The following COBL variants were observed in gnomAD, a reference collection of about 807,000 sequenced individuals.
The protein encoded by COBL is cordon-bleu WH2 repeat protein, also known as protein cordon-bleu.
In COBL, 51 loss-of-function variants were observed where a neutral mutation model predicts 98.8. That is an observed-to-expected ratio of 0.52 (90% CI 0.41 to 0.65). The LOEUF (loss-of-function observed/expected upper bound fraction) is 0.65. Ranked by LOEUF, COBL falls within the 30% of genes least tolerant of loss-of-function variation. COBL has a pLI of 0.00. For synonymous variants in COBL, 634 were observed against 651.7 expected (o/e 0.97, Z 0.41); for missense variants, 1,617 against 1,617.5 (o/e 1.00, Z 0.01).
chr7:51,075,252 T>C (rs1792957832), intron 7 of COBL, among the ~76,000 whole-genome samples: 1 of 152,254 alleles, frequency 6.6e-6, no homozygotes, highest in Non-Finnish European at 1.5e-5. Context: ...GTCTTATATC[T>C]AGACAATTAA....
chr7:51,218,817 T>A (rs1793342986), intron 2 of COBL, among the ~76,000 whole-genome samples: 1 of 152,210 alleles, frequency 6.6e-6, no homozygotes, highest in Non-Finnish European at 1.5e-5. Context: ...AAATGCTGCT[T>A]CAATTCACTG....
chr7:51,277,706 A>G (rs1035875371), intron 1 of COBL, among the ~76,000 whole-genome samples: 1 of 152,158 alleles, frequency 6.6e-6, no homozygotes, highest in African/African-American at 2.4e-5. Flanking sequence ...TAGTTTCTAC[A>G]CTGCCAAATG....
intron 5 of COBL, among the ~76,000 whole-genome samples, chr7:51,143,887 C>T (rs1476212593): frequency 1.3e-5 from 2 of 152,210 alleles, no homozygotes; most frequent in Non-Finnish European, 2.9e-5. Context: ...GACTAATTCT[C>T]TGATGCACTG....
At chr7:51,299,077 C>T (rs983311807) in intron 1 of COBL, among the ~76,000 whole-genome samples, 1 of 152,198 alleles carries the variant, frequency 6.6e-6, no homozygotes, top group Non-Finnish European at 1.5e-5. Context: ...CCGGTGGGCA[C>T]CTCATATCTT....
At chr7:51,047,020 A>C (rs1308763203) in intron 7 of COBL, among the ~76,000 whole-genome samples, 1 of 152,186 alleles carries the variant, frequency 6.6e-6, no homozygotes, top group Non-Finnish European at 1.5e-5. Flanking sequence ...ACTAATTAGG[A>C]ATCTTTAAAA....
intron 1 of COBL, among the ~76,000 whole-genome samples, chr7:51,311,272 G>A (rs756542160): frequency 5.3e-5 from 8 of 152,252 alleles, no homozygotes; most frequent in Non-Finnish European, 8.8e-5. Flanking sequence ...GAGGAGAGCA[G>A]AGGGAAGCGT....
intron 6 of COBL, among the ~76,000 whole-genome samples, chr7:51,131,513 A>G (rs888287252): frequency 5.3e-5 from 8 of 152,180 alleles, no homozygotes; most frequent in African/African-American, 1.9e-4. Flanking sequence ...AGCAAGAATA[A>G]TATAGAGTAT....
At chr7:51,191,633 G>C (rs529709553) in intron 3 of COBL, among the ~76,000 whole-genome samples, 1 of 151,388 alleles carries the variant, frequency 6.6e-6, no homozygotes, top group Non-Finnish European at 1.5e-5. Flanking sequence ...AGACCTACAT[G>C]TATTTATGTA....
intron 6 of COBL, among the ~76,000 whole-genome samples, chr7:51,119,442 T>C (rs1268308718): frequency 1.3e-5 from 2 of 152,202 alleles, no homozygotes; most frequent in Non-Finnish European, 2.9e-5. Context: ...GGAAGTCCAT[T>C]TACCTTGGGC....
intron 7 of COBL, among the ~76,000 whole-genome samples, chr7:51,063,395 A>G (rs1015465034): frequency 6.6e-6 from 1 of 152,200 alleles, no homozygotes. Flanking sequence ...TCGGCCTCCC[A>G]AAGTGCTGGG....
rs937112618 is a variant in COBL at position 51,029,189 on chromosome 7, G to A, written c.1907C>T (p.Ser636Leu). ...ATTTAGGTTGTCTGTGTGAAGATTC[G>A]AAGCAAAAGAAGTCACCCTGGGCGC... The part of the protein sequence containing the change: ...ETAPRVTSFA[S>L]NLHTDNLNAK... The change falls in exon 10 of 13, where the codon TCG becomes TTG. Residue 636 changes from serine to leucine, a missense_variant. Around this residue, in one of 3 missense-constraint regions of COBL, gnomAD observed 1,304 missense variants for 1,282.0 expected, o/e 1.02. Transcript: ENST00000265136. 8 of 1,614,016 alleles carry A rather than the reference G, an allele frequency of 5.0e-6. No homozygotes were observed. The highest frequency in any genetic ancestry group is 2.2e-5 in the East Asian group (1 of 44,894).
intron 7 of COBL, among the ~76,000 whole-genome samples, chr7:51,074,415 C>T (rs1028051272): frequency 7.1e-4 from 108 of 152,064 alleles, no homozygotes; most frequent in African/African-American, 2.3e-3. Flanking sequence ...AGGATGGTCT[C>T]GATCTCCTGA....
chr7:51,098,668 T>C (rs1439591639), intron 6 of COBL, among the ~76,000 whole-genome samples: 4 of 152,048 alleles, frequency 2.6e-5, no homozygotes, highest in Non-Finnish European at 5.9e-5. Context: ...GAAGAAAACA[T>C]AGAGGGAAAT....
At chr7:51,083,639 T>C (rs1302562978) in intron 7 of COBL, among the ~76,000 whole-genome samples, 1 of 152,252 alleles carries the variant, frequency 6.6e-6, no homozygotes, top group Non-Finnish European at 1.5e-5. Context: ...CCTACTCTTG[T>C]TGCTTTTCTA....
intron 6 of COBL, among the ~76,000 whole-genome samples, chr7:51,090,709 C>A: frequency 6.6e-6 from 1 of 152,304 alleles, no homozygotes; most frequent in Middle Eastern, 3.4e-3. Context: ...GCTTATCCCT[C>A]GGGAGGAAAT....
chr7:51,220,879 T>C (rs1033012130), intron 1 of COBL, among the ~76,000 whole-genome samples: 28 of 152,214 alleles, frequency 1.8e-4, no homozygotes, highest in Non-Finnish European at 3.7e-4. Flanking sequence ...GCAACTGGCC[T>C]TGTTTTATAC....
intron 7 of COBL, among the ~76,000 whole-genome samples, chr7:51,067,734 ATTG>A (rs1373730097): frequency 2.6e-5 from 4 of 152,194 alleles, no homozygotes; most frequent in Admixed American, 6.5e-5. Flanking sequence ...CAGTCACTAA[ATTG>A]TTGTGTGACT....
chr7:51,236,206 G>A (rs997887823), intron 1 of COBL, among the ~76,000 whole-genome samples: 1 of 152,160 alleles, frequency 6.6e-6, no homozygotes, highest in Non-Finnish European at 1.5e-5. Flanking sequence ...CTTACAAGGA[G>A]TGCTGGGACA....
At chr7:51,280,450 T>A (rs892436907) in intron 1 of COBL, among the ~76,000 whole-genome samples, 1 of 152,132 alleles carries the variant, frequency 6.6e-6, no homozygotes, top group Non-Finnish European at 1.5e-5. Context: ...AGAGGAAAAC[T>A]CTTCTCTCGG....
Sources: gnomAD v4.1 joint callset for allele counts (sites outside exome capture counted in the v4.1 genomes callset) on GRCh38, gnomAD v4.1.1 for gene constraint, gnomAD v4.1.1 regional missense constraint, MANE v1.5 for transcripts, NCBI Gene and HGNC (gene_info 2026-07-23, HGNC 2026-07-21) for gene names.